The following TRPM3 variants were observed in gnomAD, a reference collection of about 807,000 sequenced individuals.
TRPM3 encodes transient receptor potential cation channel subfamily M member 3.
TRPM3 carries 77 observed loss-of-function variants against 181.2 expected under a neutral mutation model. The observed-to-expected ratio is 0.42, with a 90% CI of 0.35 to 0.51. The LOEUF is 0.51. Among genes scored for constraint, TRPM3 ranks in the 20% least tolerant of loss-of-function variants. TRPM3 has a pLI of 0.01. For missense variants in TRPM3, 1,759 were observed against 2,196.7 expected (o/e 0.80, Z 3.98); for synonymous variants, 745 against 796.4 (o/e 0.94, Z 1.09).
intron 1 of TRPM3, among the ~76,000 whole-genome samples, chr9:71,378,592 G>C (rs1425887047): frequency 6.6e-6 from 1 of 151,944 alleles, no homozygotes; most frequent in Non-Finnish European, 1.5e-5. Flanking sequence ...TGAGGATAAA[G>C]GACTCCAACT....
intron 6 of TRPM3, among the ~76,000 whole-genome samples, chr9:70,784,985 C>T (rs1289405583): frequency 2.6e-5 from 4 of 152,156 alleles, no homozygotes; most frequent in Non-Finnish European, 5.9e-5. Context: ...CCTCAGTCTC[C>T]CAAGTAGCTG....
At chr9:70,684,671 T>C (rs559161893) in intron 8 of TRPM3, among the ~76,000 whole-genome samples, 1 of 152,210 alleles carries the variant, frequency 6.6e-6, no homozygotes, top group Non-Finnish European at 1.5e-5. Context: ...AAAAAACAGG[T>C]ATTCTTAAAT....
intron 1 of TRPM3, among the ~76,000 whole-genome samples, chr9:71,117,790 T>G (rs1351145194): frequency 6.6e-6 from 1 of 152,174 alleles, no homozygotes; most frequent in Non-Finnish European, 1.5e-5. Flanking sequence ...TTGGTCTTCA[T>G]TAACACACTG....
intron 12 of TRPM3, among the ~76,000 whole-genome samples, chr9:70,628,568 T>C (rs1224350334): frequency 6.6e-6 from 1 of 152,134 alleles, no homozygotes. Context: ...ACACCTGTAA[T>C]CCTAGCACTT....
intron 1 of TRPM3, among the ~76,000 whole-genome samples, chr9:70,883,895 A>G (rs2096040971): frequency 6.6e-6 from 1 of 152,182 alleles, no homozygotes. Flanking sequence ...GAGTATTTTT[A>G]TCTTTGGAAA....
At chr9:70,606,651 G>GTGTGTGTGTATATATATATATA (rs145779027) in intron 19 of TRPM3, among the ~76,000 whole-genome samples, 5 of 140,680 alleles carry the variant, frequency 3.6e-5, no homozygotes, top group African/African-American at 1.3e-4. Flanking sequence ...GTGTGTGTGT[G>GTGTGTGTGTATATATATATATA]TATATATATA....
intron 1 of TRPM3, among the ~76,000 whole-genome samples, chr9:71,278,010 C>G (rs1047928634): frequency 2.0e-5 from 3 of 152,182 alleles, no homozygotes; most frequent in African/African-American, 7.2e-5. Flanking sequence ...ACATTTTGTT[C>G]TAGTGGTCCT....
chr9:70,811,389 C>G, intron 6 of TRPM3: 1 of 670,154 alleles, frequency 1.5e-6, no homozygotes, highest in East Asian at 2.7e-5. Flanking sequence ...AGAGCATCAT[C>G]CAGCCCTTCT....
chr9:71,391,419 G>A (rs2093060097), intron 1 of TRPM3, among the ~76,000 whole-genome samples: 1 of 151,924 alleles, frequency 6.6e-6, no homozygotes, highest in Non-Finnish European at 1.5e-5. Flanking sequence ...AATATGACGT[G>A]ATCTTGCCTA....
intron 1 of TRPM3, among the ~76,000 whole-genome samples, chr9:71,015,149 TA>T (rs2097774466): frequency 1.3e-5 from 2 of 152,184 alleles, no homozygotes; most frequent in Admixed American, 6.5e-5. Flanking sequence ...ACCTGAACCA[TA>T]GATGGGCTAC....
intron 1 of TRPM3, among the ~76,000 whole-genome samples, chr9:71,229,461 G>A (rs2131894977): frequency 6.6e-6 from 1 of 152,094 alleles, no homozygotes; most frequent in Middle Eastern, 3.4e-3. Context: ...GAAAAAGTCT[G>A]AATCACATCA....
intron 1 of TRPM3, among the ~76,000 whole-genome samples, chr9:71,418,676 A>G (rs1256874818): frequency 1.3e-5 from 2 of 151,250 alleles, no homozygotes; most frequent in African/African-American, 4.9e-5. Context: ...ATGAAACTCA[A>G]CTGAGGATGC....
intron 11 of TRPM3, among the ~76,000 whole-genome samples, chr9:70,636,141 G>A (rs1311123122): frequency 6.6e-6 from 1 of 152,182 alleles, no homozygotes; most frequent in Non-Finnish European, 1.5e-5. Context: ...TAATGTGCAA[G>A]TAGCCATAGA....
chr9:70,639,890 G>T (rs2057791256), intron 10 of TRPM3, among the ~76,000 whole-genome samples: 1 of 152,204 alleles, frequency 6.6e-6, no homozygotes. Context: ...CTAGGGGAAA[G>T]GAAGGAGTAA....
chr9:70,692,014 CAA>C (rs1360135606), intron 8 of TRPM3, among the ~76,000 whole-genome samples: 2 of 152,070 alleles, frequency 1.3e-5, no homozygotes, highest in Admixed American at 1.3e-4. Context: ...TAAAACAAAA[CAA>C]AACAGAACAA....
At chr9:70,587,025 T>C (rs1445832812) in intron 22 of TRPM3, among the ~76,000 whole-genome samples, 1 of 151,994 alleles carries the variant, frequency 6.6e-6, no homozygotes, top group Non-Finnish European at 1.5e-5. Flanking sequence ...TAGCAAACCT[T>C]TGTACTAAAT....
rs758707614 is a variant in TRPM3, at chr9:70,828,715, T to TTTTTTTTTTG, written c.802-698_802-697insCAAAAAAAAA. Among the ~76,000 whole-genome samples the TTTTTTTTTTG allele has an allele frequency of 2.9e-4, 41 of 143,284 alleles. 1 individual carries two copies. The highest frequency in any genetic ancestry group is 7.5e-4 in the African/African-American group (30 of 39,806). The allele number at this position is 143,284 out of a possible 152,430, so 94.0% of individuals were successfully genotyped here. On this transcript the variant is annotated intron_variant, in intron 5 of 25. Coordinates refer to ENST00000677713, the MANE Select transcript of TRPM3 (RefSeq NM_001366145.2). ...TGGCCTTCCAGATTTTTTTTTTTTT[T>TTTTTTTTTTG]TATAAAAAGAACAGCAATACCTATT...
At position 70,610,739 on chromosome 9, in the gene TRPM3, C is replaced by T; in HGVS notation, c.2537G>A (p.Gly846Glu). The T allele has an allele frequency of 1.2e-6, 2 of 1,614,106 alleles. No individual in the cohort carries two copies. The highest frequency in any genetic ancestry group is 1.1e-5 in the South Asian group (1 of 91,072). ...CCTGGAGGACTCCCCGTTGTTTCGTCCCAACATTGCCTATGTTGGAAGAGA... is the reference window on the plus strand; with the variant it reads ...CCTGGAGGACTCCCCGTTGTTTCGTTCCAACATTGCCTATGTTGGAAGAGA... Reference protein sequence around the residue: ...EEDMELTAMLGRNNGESSRKK... With the variant: ...EEDMELTAMLERNNGESSRKK... The change falls in exon 19 of 26, where the codon GGA becomes GAA. Residue 846 changes from glycine (G) to glutamate (E), a missense_variant. By Grantham distance (98) the Gly-to-Glu change is moderately conservative (BLOSUM62 -2). Transcript: ENST00000677713.
At chr9:70,793,513 GCATATAAACA>G (rs2086159617) in intron 6 of TRPM3, 1 of 316,774 alleles carries the variant, frequency 3.2e-6, no homozygotes, top group Admixed American at 3.3e-5. Context: ...GTATATGTAT[GCATATAAACA>G]CATATAAACA....
Sources: gnomAD v4.1 joint callset for allele counts (sites outside exome capture counted in the v4.1 genomes callset) on GRCh38, gnomAD v4.1.1 for gene constraint, MANE v1.5 for transcripts, NCBI Gene and HGNC (gene_info 2026-07-23, HGNC 2026-07-21) for gene names.